The following GSN variants were observed in gnomAD, a reference collection of about 807,000 sequenced individuals.
GSN encodes the protein actin-depolymerizing factor.
Under a neutral mutation model 85.7 loss-of-function variants are expected in GSN, and 56 were observed. That is an observed-to-expected ratio of 0.65 (90% CI 0.53 to 0.82). GSN has a LOEUF of 0.82. GSN is among the 40% of genes least tolerant of loss of function. The pLI, the probability that GSN is intolerant of heterozygous loss-of-function variation, is 0.00. For synonymous variants in GSN, 373 were observed against 399.1 expected (o/e 0.93, Z 0.78); for missense variants, 857 against 979.8 (o/e 0.87, Z 1.67).
Position 121,225,362 on chromosome 9 carries a change from G to A in GSN, c.-527-5803G>A, listed in dbSNP as rs117008161. On this transcript the variant is annotated intron_variant, in intron 4 of 24. Coordinates refer to the GSN transcript ENST00000373823. Reference sequence around the variant, plus strand: ...CTTTTAAACACAAAAGCACATATCCGAAATCATTTATGCTTTCACCACTTG... The same window carrying A: ...CTTTTAAACACAAAAGCACATATCCAAAATCATTTATGCTTTCACCACTTG... 7.1e-3 allele frequency among the ~76,000 whole-genome samples: 1,074 copies of A among 152,302 alleles called. 9 individuals carry two copies. The highest frequency in any genetic ancestry group is 0.015 in the African/African-American group (635 of 41,568).
Position 121,318,471 on chromosome 9 carries a change from A to G in GSN, c.952A>G (p.Met318Val). The change falls in exon 9 of 18, where the codon ATG (methionine) becomes GTG (valine). Residue 318 changes from methionine to valine, a missense_variant. Met to Val is a conservative substitution (Grantham distance 21). Transcript: ENST00000432226. The surrounding 1 kb of genome is among the most constrained non-coding windows in gnomAD (Gnocchi z 4.3). Reference sequence around the variant, plus strand: ...AACAGCCTCTGACTTCATCACCAAGATGGACTACCCCAAGCAGACTCAGGT... The same window carrying G: ...AACAGCCTCTGACTTCATCACCAAGGTGGACTACCCCAAGCAGACTCAGGT... ...LKTASDFITK[M>V]DYPKQTQVSV... 5.6e-6 allele frequency: 9 copies of G among 1,613,844 alleles called. No homozygotes were observed. The highest frequency in any genetic ancestry group is 7.6e-6 in the Non-Finnish European group (9 of 1,179,748).
intron 4 of GSN, among the ~76,000 whole-genome samples, chr9:121,221,386 C>A (rs887963754): frequency 1.3e-5 from 2 of 152,250 alleles, no homozygotes. Flanking sequence ...AGAGCAGCCC[C>A]AATTCCCAGC....
intron 3 of GSN, among the ~76,000 whole-genome samples, chr9:121,302,586 T>C (rs1245015023): frequency 6.6e-6 from 1 of 152,118 alleles, no homozygotes; most frequent in Non-Finnish European, 1.5e-5. Flanking sequence ...ACCTCTGCCG[T>C]GGGATGCTAT....
chr9:121,256,611 C>T (rs1036242298), intron 6 of GSN, among the ~76,000 whole-genome samples: 1 of 152,076 alleles, frequency 6.6e-6, no homozygotes, highest in Non-Finnish European at 1.5e-5. Context: ...GGCTCGGTGG[C>T]TTATGCCTGT....
intron 2 of GSN, chr9:121,282,269 C>T (rs553587035): frequency 2.2e-4 from 132 of 596,334 alleles, no homozygotes; most frequent in Non-Finnish European, 3.3e-4. Context: ...GTGGACCCAA[C>T]GAGCTTGTAG....
At chr9:121,253,136 A>G (rs4837825) in intron 6 of GSN, among the ~76,000 whole-genome samples, 57,483 of 152,000 alleles carry the variant, frequency 0.38, 13,559 homozygotes, top group East Asian at 0.62. Context: ...CCCATTCATG[A>G]GGGCTCTACT....
intron 4 of GSN, among the ~76,000 whole-genome samples, chr9:121,305,952 G>GAC (rs1206254599): frequency 2.6e-5 from 4 of 152,240 alleles, no homozygotes; most frequent in Non-Finnish European, 5.9e-5. Context: ...CTCGGAGTGT[G>GAC]AGAAGGGGCA....
At chr9:121,257,830 C>T (rs903073880) in intron 6 of GSN, among the ~76,000 whole-genome samples, 3 of 152,128 alleles carry the variant, frequency 2.0e-5, no homozygotes, top group Non-Finnish European at 4.4e-5. Context: ...AAGATTGCGT[C>T]ACTGCACTCC....
intron 6 of GSN, chr9:121,313,262 G>C (rs1422275524): frequency 6.3e-6 from 1 of 158,842 alleles, no homozygotes; most frequent in East Asian, 1.9e-4. Context: ...TGTGCGTTGA[G>C]GACGTATCAA....
At chr9:121,254,031 C>G (rs1368266136) in intron 6 of GSN, among the ~76,000 whole-genome samples, 4 of 152,172 alleles carry the variant, frequency 2.6e-5, no homozygotes, top group Non-Finnish European at 4.4e-5. Flanking sequence ...TTCTTTCTCT[C>G]TACCAGTTCC....
chr9:121,204,939 T>C (rs1247084329), upstream of GSN, among the ~76,000 whole-genome samples: 1 of 152,254 alleles, frequency 6.6e-6, no homozygotes. Flanking sequence ...TGTATGTTTA[T>C]GTAACTAGAC....
chr9:121,295,757 G>A (rs1348371153), intron 2 of GSN, among the ~76,000 whole-genome samples: 1 of 152,246 alleles, frequency 6.6e-6, no homozygotes, highest in East Asian at 1.9e-4. Flanking sequence ...CAGACACAGA[G>A]AATCTGCCTA....
At chr9:121,284,939 T>C (rs1038488648) in intron 2 of GSN, 3 of 167,412 alleles carry the variant, frequency 1.8e-5, no homozygotes, top group Non-Finnish European at 4.4e-5. Context: ...CGCCCCTTTC[T>C]GTTCCATACC....
chr9:121,254,525 G>A (rs991599411), intron 6 of GSN, among the ~76,000 whole-genome samples: 3 of 152,174 alleles, frequency 2.0e-5, no homozygotes, highest in Non-Finnish European at 4.4e-5. Context: ...TACCTAAAGA[G>A]GTCATACTTC....
chr9:121,295,167 C>T (rs900830897), intron 2 of GSN, among the ~76,000 whole-genome samples: 6 of 152,208 alleles, frequency 3.9e-5, no homozygotes, highest in African/African-American at 1.4e-4. Flanking sequence ...CCTGGGCTTC[C>T]TCACTGCTCC....
chr9:121,267,261 A>C (rs2055256966), upstream of GSN, among the ~76,000 whole-genome samples: 1 of 152,250 alleles, frequency 6.6e-6, no homozygotes, highest in Non-Finnish European at 1.5e-5. Context: ...TCTCAAATGC[A>C]TATGAGATGT....
intron 1 of GSN, among the ~76,000 whole-genome samples, chr9:121,277,032 C>A (rs1381258206): frequency 6.6e-6 from 1 of 152,138 alleles, no homozygotes; most frequent in Non-Finnish European, 1.5e-5. Flanking sequence ...CTCTCTCTAA[C>A]CTATTCCCTG....
In GSN at chr9:121,327,247, G is replaced by A. The variant is rs192795543; in HGVS notation, c.1588-61G>A. On this transcript the variant is annotated intron_variant, in intron 13 of 17. Coordinates refer to ENST00000432226, the MANE Select transcript of GSN (RefSeq NM_198252.3). ...GTCCTGCTGCGGGGTCTCCTGGGCTGTGAGGAGGGGGCTGAGGGCTTTTTG... is the reference window on the plus strand; with the variant it reads ...GTCCTGCTGCGGGGTCTCCTGGGCTATGAGGAGGGGGCTGAGGGCTTTTTG... The A allele has an allele frequency of 3.6e-6, 5 of 1,377,216 alleles. No individual in the cohort carries two copies. The East Asian group carries it at 6.8e-5, about 19-fold the overall frequency. 85.3% of individuals were successfully genotyped at this position (1,377,216 alleles called of 1,614,324 possible).
chr9:121,248,195 AG>A (rs56235747), intron 5 of GSN: 33,489 of 151,644 alleles, frequency 0.22, 4,216 homozygotes, highest in African/African-American at 0.35. Context: ...TTTTTTTAGC[AG>A]GGGGGTCAGA....
Sources: allele counts gnomAD v4.1 joint callset (sites outside exome capture counted in the v4.1 genomes callset), GRCh38; gene constraint gnomAD v4.1.1; non-coding constraint Gnocchi (gnomAD v3.1); transcripts MANE v1.5; gene names NCBI Gene and HGNC (gene_info 2026-07-23, HGNC 2026-07-21).